ZNRF3: variants seen among roughly 807,000 people sequenced by gnomAD.
The protein encoded by ZNRF3 is E3 ubiquitin-protein ligase ZNRF3.
In ZNRF3, 23 loss-of-function variants were observed where a neutral mutation model predicts 72.5. That is an observed-to-expected ratio of 0.32 (90% CI 0.23 to 0.45). ZNRF3 has a LOEUF of 0.45. Ranked by LOEUF, ZNRF3 falls within the 20% of genes least tolerant of loss-of-function variation. The pLI, the probability that ZNRF3 is intolerant of heterozygous loss-of-function variation, is 1.00. For missense variants in ZNRF3, 1,169 were observed against 1,272.1 expected (o/e 0.92, Z 1.23); for synonymous variants, 610 against 545.3 (o/e 1.12, Z -1.65).
At chr22:29,005,082 C>A (rs371355224) in intron 2 of ZNRF3, among the ~76,000 whole-genome samples, 2 of 152,200 alleles carry the variant, frequency 1.3e-5, no homozygotes, top group South Asian at 2.1e-4. Flanking sequence ...GGTTCTCAGG[C>A]TGGGAACCCA....
At chr22:29,045,005 T>C (rs2037038988) in intron 5 of ZNRF3, 115 bp downstream of exon 5, 2 of 745,966 alleles carry the variant, frequency 2.7e-6, no homozygotes, top group Admixed American at 2.1e-5. Context: ...CTCACAGCTG[T>C]GGACTCTGAG....
At position 28,975,845 on chromosome 22, in the gene ZNRF3, C is replaced by T. The variant is rs187494150; in HGVS notation, c.301-11231C>T. 8.6e-5 allele frequency among the ~76,000 whole-genome samples: 13 copies of T among 151,040 alleles called. No individual in the cohort carries two copies. In the East Asian group the frequency reaches 2.0e-3, roughly 23 times the overall value. ...CTTGGGCATTGTCTCATTGCCAGAC[C>T]GCTTCCCCCCAAATTTGAGCCAATT... On this transcript the variant is annotated intron_variant, in intron 1 of 8. Transcript: ENST00000544604.
chr22:29,048,532 G>C lies in ZNRF3; in HGVS notation c.1015+41G>C. ...CTTAGCCATTGCTGAAGAGTCAAGT[G>C]CCTAGCTAGAGTGTGACACACACCG... On this transcript the variant is annotated intron_variant, in intron 7 of 8. Coordinates refer to ENST00000544604, the MANE Select transcript of ZNRF3 (RefSeq NM_001206998.2). This position sits in a 1 kb window ranked among gnomAD's most constrained non-coding sequence, Gnocchi z 4.9. 1 of 1,592,302 alleles carries C rather than the reference G, an allele frequency of 6.3e-7. No individual in the cohort carries two copies. The highest frequency in any genetic ancestry group is 1.7e-4 in the Middle Eastern group (1 of 6,008).
chr22:29,031,025 G>C (rs1482897596), intron 2 of ZNRF3: 1 of 152,250 alleles, frequency 6.6e-6, no homozygotes, highest in Admixed American at 6.6e-5. Context: ...AAGCCCGCCT[G>C]GCCGCCCTGG....
chr22:28,978,891 T>C (rs1022776812), intron 1 of ZNRF3, among the ~76,000 whole-genome samples: 3 of 152,244 alleles, frequency 2.0e-5, no homozygotes, highest in African/African-American at 7.2e-5. Context: ...TCCTGCATTC[T>C]TCCAATGTAG....
At chr22:28,931,304 T>C (rs2034702354) in intron 1 of ZNRF3, among the ~76,000 whole-genome samples, 1 of 152,186 alleles carries the variant, frequency 6.6e-6, no homozygotes, top group Non-Finnish European at 1.5e-5. Flanking sequence ...GGACCCTTTT[T>C]TGTGGAACTT....
intron 1 of ZNRF3, among the ~76,000 whole-genome samples, chr22:28,912,325 G>T (rs2034332481): frequency 6.6e-6 from 1 of 152,108 alleles, no homozygotes; most frequent in Non-Finnish European, 1.5e-5. Flanking sequence ...TTTAATTTTT[G>T]GTTTTCATCT....
intron 2 of ZNRF3, among the ~76,000 whole-genome samples, chr22:28,993,875 G>T (rs1412915920): frequency 6.6e-6 from 1 of 152,082 alleles, no homozygotes; most frequent in African/African-American, 2.4e-5. Context: ...TAGAGACAGA[G>T]TCTCAATATA....
chr22:29,002,857 T>C (rs2036173533), intron 2 of ZNRF3, among the ~76,000 whole-genome samples: 1 of 152,200 alleles, frequency 6.6e-6, no homozygotes, highest in South Asian at 2.1e-4. Flanking sequence ...AAATGGGAGC[T>C]GATAGACAGG....
chr22:28,883,992 A>G lies in ZNRF3; in HGVS notation c.226A>G (p.Thr76Ala). Reference sequence around the variant, plus strand: ...GTCGAGCCCAAGCGGCGATTACACCACCTACACCACCGGCCTCACGGGCCG... The same window carrying G: ...GTCGAGCCCAAGCGGCGATTACACCGCCTACACCACCGGCCTCACGGGCCG... ...FESSPSGDYT[T>A]YTTGLTGRFS... is the part of the protein sequence containing the mutation. The change falls in exon 1 of 9, where the codon ACC (threonine) becomes GCC (alanine). Residue 76 changes from threonine to alanine, a missense_variant. Around this residue, in one of 2 missense-constraint regions of ZNRF3, gnomAD observed 386 missense variants for 540.7 expected, o/e 0.71. Transcript: ENST00000544604. The surrounding 1 kb of genome is among the most constrained non-coding windows in gnomAD (Gnocchi z 5.5). The G allele has an allele frequency of 7.6e-7, 1 of 1,323,820 alleles. No homozygotes were observed. The highest frequency in any genetic ancestry group is 9.8e-7 in the Non-Finnish European group (1 of 1,020,038). 82.0% of individuals were successfully genotyped at this position (1,323,820 alleles called of 1,614,324 possible). A position where few individuals can be genotyped will look rare whatever the true frequency, so the allele number is the denominator to read the frequency against.
chr22:28,926,977 C>T (rs2034614560), intron 1 of ZNRF3, among the ~76,000 whole-genome samples: 1 of 149,434 alleles, frequency 6.7e-6, no homozygotes, highest in Admixed American at 6.7e-5. Context: ...CAAAAATTAG[C>T]TGGGTGTGGG....
At chr22:28,983,520 C>T (rs1255054566) in intron 1 of ZNRF3, among the ~76,000 whole-genome samples, 1 of 152,190 alleles carries the variant, frequency 6.6e-6, no homozygotes, top group Non-Finnish European at 1.5e-5. Context: ...TCTTGGTTTC[C>T]ATTCCTTGTC....
intron 1 of ZNRF3, among the ~76,000 whole-genome samples, chr22:28,966,073 C>T (rs1487326888): frequency 1.3e-5 from 2 of 152,220 alleles, no homozygotes; most frequent in Admixed American, 6.5e-5. Context: ...ACTCCACCCA[C>T]TCCATAAATT....
intron 1 of ZNRF3, among the ~76,000 whole-genome samples, chr22:28,945,680 C>G (rs1328030081): frequency 6.6e-6 from 1 of 152,068 alleles, no homozygotes; most frequent in Non-Finnish European, 1.5e-5. Context: ...CAGGGGGGCA[C>G]CACCACGCTG....
At chr22:29,022,195 A>G (rs1223389551) in intron 2 of ZNRF3, among the ~76,000 whole-genome samples, 1 of 152,190 alleles carries the variant, frequency 6.6e-6, no homozygotes, top group African/African-American at 2.4e-5. Flanking sequence ...ATTTCTTTTT[A>G]TTACTTTTTA....
chr22:28,923,864 G>A (rs114066171), intron 1 of ZNRF3, among the ~76,000 whole-genome samples: 354 of 152,376 alleles, frequency 2.3e-3, no homozygotes, highest in African/African-American at 8.3e-3. Flanking sequence ...TGGCAGCCAC[G>A]TCTAGAGGCT....
chr22:29,048,346 G>T lies in ZNRF3; in HGVS notation c.913-43G>T. 18 of 1,568,116 alleles carry T rather than the reference G, an allele frequency of 1.1e-5. No individual in the cohort carries two copies. Among genetic ancestry groups the T allele is most frequent in the Non-Finnish European group, 1.6e-5 (18 of 1,140,214 alleles). ...CTGGACTCTGCAGGAGGACACACCT[G>T]CGAGGCTGAAGGCAGACTTGTGTCC... On this transcript the variant is annotated intron_variant, in intron 6 of 8. Coordinates refer to ENST00000544604, the MANE Select transcript of ZNRF3 (RefSeq NM_001206998.2). This position sits in a 1 kb window ranked among gnomAD's most constrained non-coding sequence, Gnocchi z 4.9.
rs2037129662 is a variant in ZNRF3 at position 29,049,142 on chromosome 22, C to T, written c.1016-55C>T. On this transcript the variant is annotated intron_variant, in intron 7 of 8. Coordinates refer to ENST00000544604, the MANE Select transcript of ZNRF3 (RefSeq NM_001206998.2). The surrounding 1 kb of genome is among the most constrained non-coding windows in gnomAD (Gnocchi z 5.2). ...TGCCCGTTTTAAAAATCCCTTTAGC[C>T]TCTGACACCAGTATGCTCAGCCCTG... is the stretch of plus-strand genomic sequence containing the variant. 3 of 1,513,554 alleles carry T rather than the reference C, an allele frequency of 2.0e-6. No homozygotes were observed. Among genetic ancestry groups the T allele is most frequent in the Non-Finnish European group, 2.7e-6 (3 of 1,126,610 alleles). The allele number at this position is 1,513,554 out of a possible 1,614,324, so 93.8% of individuals were successfully genotyped here.
At position 28,939,462 on chromosome 22, in the gene ZNRF3, T is replaced by C. The variant is rs572969834; in HGVS notation, c.301-47614T>C. ...CCACATCAGTTGCTGAGTTGAAACC[T>C]GCCTTTAAAAGTCCTTGGAAAGTTC... On this transcript the variant is annotated intron_variant, in intron 1 of 8. Transcript: ENST00000544604. 1.1e-3 allele frequency among the ~76,000 whole-genome samples: 162 copies of C among 152,202 alleles called. 1 individual carries two copies. The highest frequency in any genetic ancestry group is 2.1e-3 in the Non-Finnish European group (144 of 68,036).
Sources: allele counts gnomAD v4.1 joint callset (sites outside exome capture counted in the v4.1 genomes callset), GRCh38; gene constraint gnomAD v4.1.1; regional missense constraint gnomAD v4.1.1; non-coding constraint Gnocchi (gnomAD v3.1); transcripts MANE v1.5; gene names NCBI Gene and HGNC (gene_info 2026-07-23, HGNC 2026-07-21).